The following DNER variants were observed in gnomAD, a reference collection of about 807,000 sequenced individuals.
DNER encodes delta and Notch-like epidermal growth factor-related receptor.
Under a neutral mutation model 78.2 loss-of-function variants are expected in DNER, and 33 were observed. The observed-to-expected ratio is 0.42, with a 90% CI of 0.32 to 0.56. The LOEUF (loss-of-function observed/expected upper bound fraction) is 0.56, where lower values mean the gene tolerates loss of function less well. DNER is among the 20% of genes least tolerant of loss of function. The probability of loss-of-function intolerance (pLI) is 0.11; values close to 1 mark genes in which losing one functional copy is unlikely to be tolerated. For missense variants in DNER, 918 were observed against 975.3 expected, an observed-to-expected ratio of 0.94 and a Z score of 0.78; for synonymous variants, 417 against 384.8, an observed-to-expected ratio of 1.08 and a Z score of -0.98.
chr2:229,395,493 G>A lies in DNER; in HGVS notation c.1724-7097C>T, dbSNP rs184613436. 6.0e-3 allele frequency among the ~76,000 whole-genome samples: 916 copies of A among 152,250 alleles called. 4 individuals are homozygous for A. The highest frequency in any genetic ancestry group is 9.9e-3 in the Non-Finnish European group (672 of 68,018). ...ATCCTGTAGTGTTTCCCTCTTTTGGGGGACCCAGGATTCAGTGTAAAATGG... is the reference window on the plus strand; with the variant it reads ...ATCCTGTAGTGTTTCCCTCTTTTGGAGGACCCAGGATTCAGTGTAAAATGG... On this transcript the variant is annotated intron_variant, in intron 10 of 12. Coordinates refer to ENST00000341772, the MANE Select transcript of DNER (RefSeq NM_139072.4).
chr2:229,710,272 T>C (rs887046365), intron 1 of DNER, among the ~76,000 whole-genome samples: 3 of 152,176 alleles, frequency 2.0e-5, no homozygotes, highest in African/African-American at 7.2e-5. Flanking sequence ...ATGATAAAAC[T>C]CAAGGAGGTT....
At chr2:229,692,643 G>A (rs1465390100) in intron 1 of DNER, among the ~76,000 whole-genome samples, 1 of 152,140 alleles carries the variant, frequency 6.6e-6, no homozygotes, top group African/African-American at 2.4e-5. Flanking sequence ...TGCTTCTGAT[G>A]TAAATAAAAA....
At chr2:229,488,100 T>A (rs1695315823) in intron 6 of DNER, among the ~76,000 whole-genome samples, 1 of 152,214 alleles carries the variant, frequency 6.6e-6, no homozygotes, top group Non-Finnish European at 1.5e-5. Flanking sequence ...TGGGAGCAAG[T>A]GTTCTGGTCT....
rs917314789 is a variant in DNER at position 229,591,215 on chromosome 2, T to A, written c.585+365A>T. Among the ~76,000 whole-genome samples the A allele has an allele frequency of 3.0e-4, 45 of 152,174 alleles. No homozygotes were observed. The highest frequency in any genetic ancestry group is 8.7e-4 in the African/African-American group (36 of 41,444). The stretch of plus-strand genomic sequence containing the variant: ...AACCCAGTTTGTGGCATTTTTGTTA[T>A]AGCAGCCTTAACAGACTAAGACACA... On this transcript the variant is annotated intron_variant, in intron 2 of 12. Coordinates refer to ENST00000341772, the MANE Select transcript of DNER (RefSeq NM_139072.4). This position sits in a 1 kb window ranked among gnomAD's most constrained non-coding sequence, Gnocchi z 4.6.
intron 1 of DNER, among the ~76,000 whole-genome samples, 156 bp from the exon 2 acceptor site, chr2:229,592,044 T>C (rs1433924384): frequency 1.3e-5 from 2 of 152,058 alleles, no homozygotes; most frequent in Admixed American, 1.3e-4. Flanking sequence ...TGGGGTGGGG[T>C]GTACACCAAG....
At chr2:229,686,991 G>T (rs1177331798) in intron 1 of DNER, among the ~76,000 whole-genome samples, 1 of 152,072 alleles carries the variant, frequency 6.6e-6, no homozygotes, top group Non-Finnish European at 1.5e-5. Flanking sequence ...AAAGATTAGG[G>T]TATCTTTCTT....
intron 4 of DNER, among the ~76,000 whole-genome samples, chr2:229,573,035 TA>T (rs1270087638): frequency 6.6e-6 from 1 of 152,162 alleles, no homozygotes; most frequent in Admixed American, 6.5e-5. Flanking sequence ...TAGTTGATGA[TA>T]AACAAGGATG....
intron 4 of DNER, among the ~76,000 whole-genome samples, chr2:229,563,849 GTCA>G (rs1220182332): frequency 5.8e-5 from 3 of 51,438 alleles, no homozygotes; most frequent in African/African-American, 1.6e-4. Context: ...CCCCACCACC[GTCA>G]TCATCATCCT....
chr2:229,443,297 C>T (rs1209554846), intron 8 of DNER, among the ~76,000 whole-genome samples: 2 of 152,180 alleles, frequency 1.3e-5, no homozygotes, highest in Non-Finnish European at 2.9e-5. Flanking sequence ...CAGCTATTAT[C>T]TGCAGAGGCC....
intron 1 of DNER, among the ~76,000 whole-genome samples, chr2:229,680,962 G>A (rs1196555914): frequency 6.6e-6 from 1 of 152,200 alleles, no homozygotes; most frequent in Non-Finnish European, 1.5e-5. Flanking sequence ...GCTTTGGCAG[G>A]AGATGGGAGT....
intron 5 of DNER, among the ~76,000 whole-genome samples, chr2:229,515,502 A>G (rs1695950658): frequency 2.0e-5 from 3 of 152,234 alleles, no homozygotes; most frequent in Admixed American, 2.0e-4. Context: ...CAGACATTCC[A>G]TATTGCGGAT....
intron 10 of DNER, among the ~76,000 whole-genome samples, chr2:229,395,594 A>G (rs1354661472): frequency 6.6e-6 from 1 of 152,150 alleles, no homozygotes; most frequent in Non-Finnish European, 1.5e-5. Context: ...TACAAACTGC[A>G]TGCTTTAAAG....
chr2:229,506,839 T>C (rs1559151715), intron 6 of DNER, among the ~76,000 whole-genome samples: 2 of 152,228 alleles, frequency 1.3e-5, no homozygotes, highest in Non-Finnish European at 2.9e-5. Flanking sequence ...CCCTATGCTA[T>C]GGTCCTGATG....
At chr2:229,417,057 T>C (rs1401791314) in intron 9 of DNER, among the ~76,000 whole-genome samples, 4 of 152,190 alleles carry the variant, frequency 2.6e-5, no homozygotes, top group African/African-American at 9.7e-5. Context: ...TGGTAGATGT[T>C]AGTGGAGTTT....
chr2:229,514,103 T>C (rs1376731269), intron 5 of DNER, among the ~76,000 whole-genome samples: 1 of 152,192 alleles, frequency 6.6e-6, no homozygotes, highest in African/African-American at 2.4e-5. Flanking sequence ...CATTTCTTGA[T>C]AAATTTACTC....
intron 5 of DNER, among the ~76,000 whole-genome samples, chr2:229,541,226 T>A (rs542660855): frequency 6.6e-6 from 1 of 152,258 alleles, no homozygotes; most frequent in South Asian, 2.1e-4. Context: ...CATCCACAGC[T>A]GAGCAAAGGA....
Position 229,591,281 on chromosome 2 carries a change from T to C in DNER, c.585+299A>G, listed in dbSNP as rs980972321. 1.3e-5 allele frequency among the ~76,000 whole-genome samples: 2 copies of C among 152,224 alleles called. No individual in the cohort carries two copies. The highest frequency in any genetic ancestry group is 4.8e-5 in the African/African-American group (2 of 41,458). The stretch of plus-strand genomic sequence containing the variant: ...ATAAGGTCAATGATGGAGGGTCCTA[T>C]GACATGTTCCTTTACATGACTACAC... On this transcript the variant is annotated intron_variant, in intron 2 of 12. Transcript: ENST00000341772. This position sits in a 1 kb window ranked among gnomAD's most constrained non-coding sequence, Gnocchi z 4.6.
chr2:229,430,687 AATATAT>A (rs58809747), intron 8 of DNER, among the ~76,000 whole-genome samples: 2 of 144,642 alleles, frequency 1.4e-5, no homozygotes, highest in South Asian at 2.2e-4. Flanking sequence ...ATACTTAGTA[AATATAT>A]ATATATATAT....
chr2:229,530,021 A>G (rs1696274367), intron 5 of DNER, among the ~76,000 whole-genome samples: 1 of 151,760 alleles, frequency 6.6e-6, no homozygotes, highest in Non-Finnish European at 1.5e-5. Flanking sequence ...AAAATGAAGA[A>G]GGTTAATAGA....
Sources: allele counts gnomAD v4.1 joint callset (sites outside exome capture counted in the v4.1 genomes callset), GRCh38; gene constraint gnomAD v4.1.1; non-coding constraint Gnocchi (gnomAD v3.1); transcripts MANE v1.5; gene names NCBI Gene and HGNC (gene_info 2026-07-23, HGNC 2026-07-21).